The following COL4A1 variants were observed in gnomAD, a reference collection of about 807,000 sequenced individuals.
COL4A1 encodes collagen type IV alpha 1 chain, also known as collagen alpha-1(IV) chain.
Under a neutral mutation model 216.6 loss-of-function variants are expected in COL4A1, and 40 were observed. The observed-to-expected ratio is 0.18, with a 90% confidence interval of 0.14 to 0.24. COL4A1 has a LOEUF of 0.24. Ranked by LOEUF, COL4A1 falls within the 10% of genes least tolerant of loss-of-function variation. The probability of loss-of-function intolerance (pLI) is 1.00; values close to 1 mark genes in which losing one functional copy is unlikely to be tolerated. For missense variants in COL4A1, 1,628 were observed against 2,196.8 expected (o/e 0.74, Z 5.18); for synonymous variants, 839 against 810.7 (o/e 1.03, Z -0.59).
At chr13:110,190,352 C>T (rs957210680) in intron 24 of COL4A1, among the ~76,000 whole-genome samples, 16 of 152,156 alleles carry the variant, frequency 1.1e-4, no homozygotes, top group African/African-American at 2.7e-4. Context: ...GACACCTACG[C>T]TGTCTGCCTC....
chr13:110,163,035 T>C (rs997020225), intron 47 of COL4A1, among the ~76,000 whole-genome samples: 7 of 152,238 alleles, frequency 4.6e-5, no homozygotes, highest in African/African-American at 7.2e-5. Context: ...CCTCAGCCTT[T>C]TGCATCATAG....
intron 44 of COL4A1, among the ~76,000 whole-genome samples, chr13:110,166,580 A>G (rs1002554473): frequency 6.6e-6 from 1 of 152,266 alleles, no homozygotes; most frequent in African/African-American, 2.4e-5. Context: ...TTTATCTTCA[A>G]GGAAGAAAAC....
In COL4A1 at chr13:110,161,215, T is replaced by C. The variant is rs1469331974; in HGVS notation, c.4617A>G (p.Glu1539=). 6 of 1,614,224 alleles carry C rather than the reference T, an allele frequency of 3.7e-6. No homozygotes were observed. Among genetic ancestry groups the C allele is most frequent in the Non-Finnish European group, 4.2e-6 (5 of 1,180,036 alleles). ...ACCTACTAATAAATGGTCTTATGTT[T>C]TCCCCCGTGATGGGTGCCATTGACA... ...MPMSMAPITG[E]NIRPFISRCA... Residue 1539 remains glutamate, a synonymous_variant, in exon 49 of 52, where the codon GAA becomes GAG. Transcript: ENST00000375820.
chr13:110,162,746 T>C (rs1877144692), intron 47 of COL4A1, among the ~76,000 whole-genome samples: 1 of 152,088 alleles, frequency 6.6e-6, no homozygotes, highest in South Asian at 2.1e-4. Context: ...CATATGAAAA[T>C]GGATATATGA....
At chr13:110,204,760 T>A (rs1308468383) in intron 17 of COL4A1, among the ~76,000 whole-genome samples, 1 of 152,066 alleles carries the variant, frequency 6.6e-6, no homozygotes, top group Non-Finnish European at 1.5e-5. Flanking sequence ...AGTGTCTGAC[T>A]GTGGACCCCA....
chr13:110,194,555 G>A (rs1878790609), intron 22 of COL4A1, among the ~76,000 whole-genome samples: 1 of 152,186 alleles, frequency 6.6e-6, no homozygotes, highest in African/African-American at 2.4e-5. Context: ...AGTGAAGCTG[G>A]TTAATGCATC....
chr13:110,217,326 G>T (rs74686447), intron 2 of COL4A1, among the ~76,000 whole-genome samples: 497 of 152,278 alleles, frequency 3.3e-3, no homozygotes, highest in African/African-American at 0.011. Context: ...GAGCTAGCAG[G>T]GTCCAAGCCA....
At chr13:110,255,923 G>GGGGGAAGGCAGGAAGGGAA (rs1566421485) in intron 1 of COL4A1, among the ~76,000 whole-genome samples, 1 of 139,834 alleles carries the variant, frequency 7.2e-6, no homozygotes. Flanking sequence ...CAGGAAGGGA[G>GGGGGAAGGCAGGAAGGGAA]GGGGAAGGAG....
rs3783102 is a variant in COL4A1, at chr13:110,218,735, C to T, written c.145-4720G>A. On this transcript the variant is annotated intron_variant, in intron 2 of 51. Transcript: ENST00000375820. ...GCACCATTCCAGACTGGCTGGAGTC[C>T]GCAGCAGTGGCTGAGAGGTGCAGGG... is the stretch of plus-strand genomic sequence containing the variant. Among the ~76,000 whole-genome samples, 19 of 152,270 alleles carry T rather than the reference C, an allele frequency of 1.2e-4. No individual in the cohort carries two copies. In the East Asian group the frequency reaches 3.1e-3, roughly 25 times the overall value.
chr13:110,169,861 A>G, intron 42 of COL4A1, 99 bp from the exon 43 acceptor site: 11 of 1,453,230 alleles, frequency 7.6e-6, no homozygotes, highest in Non-Finnish European at 1.0e-5. Context: ...CCCCTCACTG[A>G]TACAACACTG....
chr13:110,219,682 A>ATATATGTATATATATGTATATATATGTG (rs1555307864), intron 2 of COL4A1, among the ~76,000 whole-genome samples: 2 of 133,696 alleles, frequency 1.5e-5, no homozygotes, highest in Admixed American at 8.1e-5. Flanking sequence ...ATATATGTGT[A>ATATATGTATATATATGTATATATATGTG]TATATATGTA....
intron 47 of COL4A1, among the ~76,000 whole-genome samples, 167 bp from the exon 48 acceptor site, chr13:110,162,609 C>T (rs1877136855): frequency 6.6e-6 from 1 of 152,160 alleles, no homozygotes; most frequent in Non-Finnish European, 1.5e-5. Flanking sequence ...TAACTAAATA[C>T]AGCAGCCTAC....
chr13:110,282,741 C>T (rs2139301985), intron 1 of COL4A1, among the ~76,000 whole-genome samples: 1 of 152,326 alleles, frequency 6.6e-6, no homozygotes, highest in South Asian at 2.1e-4. Context: ...ACTGATTCTC[C>T]TGACCTGTTT....
At chr13:110,294,343 C>G (rs904618887) in intron 1 of COL4A1, among the ~76,000 whole-genome samples, 4 of 152,232 alleles carry the variant, frequency 2.6e-5, no homozygotes, top group African/African-American at 9.6e-5. Flanking sequence ...TGCATCATTA[C>G]AGTTGTGACA....
rs1051433399 is a variant in COL4A1, at chr13:110,149,587, T to A, written c.*776A>T. 1 of 152,626 alleles carries A rather than the reference T, an allele frequency of 6.6e-6. No homozygotes were observed. Among genetic ancestry groups the A allele is most frequent in the African/African-American group, 2.4e-5 (1 of 41,446 alleles). The allele number at this position is 152,626 out of a possible 1,614,324, so 9.5% of individuals were successfully genotyped here. A position where few individuals can be genotyped will look rare whatever the true frequency, so the allele number is the denominator to read the frequency against. ...GGATGTTTCACATTCAATATCCTAG[T>A]CTTTAAAAACCTATGTTAAAGGACA... On this transcript the variant is annotated 3_prime_UTR_variant, in exon 52 of 52. Transcript: ENST00000375820.
intron 46 of COL4A1, among the ~76,000 whole-genome samples, chr13:110,163,850 G>A (rs887521159): frequency 1.3e-5 from 2 of 152,096 alleles, no homozygotes; most frequent in Non-Finnish European, 2.9e-5. Context: ...TGATGTGGAG[G>A]GAATGAGAGA....
In COL4A1 at chr13:110,151,990, G is replaced by A. The variant is rs575132876; in HGVS notation, c.4928+344C>T. The stretch of plus-strand genomic sequence containing the variant: ...TGTTATGAATGGCATGAAAATGAAC[G>A]CTGCTCACTTCTTCTCCCCGGGATT... On this transcript the variant is annotated intron_variant, in intron 51 of 51. Coordinates refer to ENST00000375820, the MANE Select transcript of COL4A1 (RefSeq NM_001845.6). Among the ~76,000 whole-genome samples the A allele has an allele frequency of 8.7e-4, 132 of 152,248 alleles. 1 individual carries two copies. The highest frequency in any genetic ancestry group is 1.8e-3 in the Admixed American group (28 of 15,292).
intron 1 of COL4A1, among the ~76,000 whole-genome samples, chr13:110,253,867 T>G (rs1244376976): frequency 2.7e-5 from 4 of 150,318 alleles, no homozygotes; most frequent in African/African-American, 9.8e-5. Flanking sequence ...TGTATGTGTG[T>G]GTGTATATAT....
intron 18 of COL4A1, among the ~76,000 whole-genome samples, chr13:110,202,887 A>G (rs1460049611): frequency 6.6e-6 from 1 of 152,236 alleles, no homozygotes; most frequent in African/African-American, 2.4e-5. Flanking sequence ...TTCTCTTACA[A>G]AAATTTTCCT....
Sources: gnomAD v4.1 joint callset for allele counts (sites outside exome capture counted in the v4.1 genomes callset) on GRCh38, gnomAD v4.1.1 for gene constraint, MANE v1.5 for transcripts, NCBI Gene and HGNC (gene_info 2026-07-23, HGNC 2026-07-21) for gene names.